The following C1orf50 variants were observed in gnomAD, a reference collection of about 807,000 sequenced individuals.
C1orf50 encodes chromosome 1 open reading frame 50.
Under a neutral mutation model 23.3 loss-of-function variants are expected in C1orf50, and 22 were observed. The ratio of observed to expected loss-of-function variants is 0.94; its 90% confidence interval spans 0.67 to 1.35. The LOEUF is 1.35. Among genes scored for constraint, C1orf50 ranks in the 40% most tolerant of loss-of-function variants. The pLI is 0.00. For missense variants in C1orf50, 271 were observed against 249.4 expected, an observed-to-expected ratio of 1.09 and a Z score of -0.58; for synonymous variants, 96 against 102.4, an observed-to-expected ratio of 0.94 and a Z score of 0.38.
chr1:42,767,481 G>A, intron 1 of C1orf50, 28 bp from the exon 2 acceptor site: 1 of 1,556,918 alleles, frequency 6.4e-7, no homozygotes, highest in Non-Finnish European at 8.7e-7. Context: ...GGGAGCTCAC[G>A]GCTTGTGTTC....
At position 42,775,358 on chromosome 1, in the gene C1orf50, G is replaced by T. The variant is rs567241793; in HGVS notation, c.564G>T (p.Pro188=). 3 of 1,607,118 alleles carry T rather than the reference G, an allele frequency of 1.9e-6. No individual in the cohort carries two copies. In the Admixed American group the frequency reaches 5.0e-5, roughly 27 times the overall value. The change falls in exon 5 of 5, where the codon CCG becomes CCT. Residue 188 remains proline (P), a synonymous_variant. Coordinates refer to ENST00000372525, the MANE Select transcript of C1orf50 (RefSeq NM_024097.4). ...TLLSQSVALP[P]CTEPNFQGLT... is the part of the protein sequence containing the mutation. ...TAAGCCAGTCAGTGGCCCTGCCTCC[G>T]TGCACTGAACCCAACTTCCAGGGAC...
chr1:42,768,992 C>T (rs767228874), intron 2 of C1orf50, among the ~76,000 whole-genome samples: 5 of 152,126 alleles, frequency 3.3e-5, no homozygotes, highest in South Asian at 2.1e-4. Flanking sequence ...GGCCAGGTGC[C>T]GTGGCTCACA....
intron 2 of C1orf50, among the ~76,000 whole-genome samples, chr1:42,771,157 C>T (rs1653212498): frequency 6.6e-6 from 1 of 152,114 alleles, no homozygotes; most frequent in African/African-American, 2.4e-5. Context: ...TGGTTATTTC[C>T]TTCATAACAG....
chr1:42,770,476 A>C (rs1327391561), intron 2 of C1orf50, among the ~76,000 whole-genome samples: 1 of 147,330 alleles, frequency 6.8e-6, no homozygotes, highest in African/African-American at 2.5e-5. Flanking sequence ...CTTGTTGCCC[A>C]GGCTGGAGTG....
At chr1:42,768,097 C>T (rs1350947554) in intron 2 of C1orf50, among the ~76,000 whole-genome samples, 2 of 152,110 alleles carry the variant, frequency 1.3e-5, no homozygotes, top group East Asian at 1.9e-4. Flanking sequence ...TTCCCAAGCC[C>T]AGTGTTTATA....
In C1orf50 at chr1:42,778,492, T is replaced by C. The variant is rs1268000555; in HGVS notation, c.*3098T>C. ...AGTTAGAACTTTCTGGAGGCTCCAA[T>C]TGCCCTTTCATAGGAAGTTTGTCTT... On this transcript the variant is annotated 3_prime_UTR_variant, in exon 5 of 5. Transcript: ENST00000372525. 6.6e-6 allele frequency: 1 copy of C among 152,190 alleles called. No homozygotes were observed. The highest frequency in any genetic ancestry group is 2.4e-5 in the African/African-American group (1 of 41,430). 9.4% of individuals were successfully genotyped at this position (152,190 alleles called of 1,614,324 possible).
intron 2 of C1orf50, chr1:42,773,359 G>A (rs1182486000): frequency 2.3e-5 from 10 of 443,892 alleles, no homozygotes; most frequent in East Asian, 8.4e-5. Flanking sequence ...ACTCTGTGGC[G>A]TGGAGTCATG....
Position 42,778,364 on chromosome 1 carries a change from A to T in C1orf50, c.*2970A>T, listed in dbSNP as rs993802624. 1 of 152,222 alleles carries T rather than the reference A, an allele frequency of 6.6e-6. No homozygotes were observed. The highest frequency in any genetic ancestry group is 2.4e-5 in the African/African-American group (1 of 41,460). The allele number at this position is 152,222 out of a possible 1,614,324, so 9.4% of individuals were successfully genotyped here. A position where few individuals can be genotyped will look rare whatever the true frequency, so the allele number is the denominator to read the frequency against. The stretch of plus-strand genomic sequence containing the variant: ...AAGAAGGGGTGTGATAGAGGTACGC[A>T]TGGAATACTATGGAGCTCCGGGGAG... On this transcript the variant is annotated 3_prime_UTR_variant, in exon 5 of 5. Transcript: ENST00000372525.
Position 42,775,762 on chromosome 1 carries a change from T to TTTTA in C1orf50, c.*369_*370insTTAT, listed in dbSNP as rs1553145768. The TTTTA allele has an allele frequency of 3.7e-5, 5 of 136,014 alleles. No homozygotes were observed. The highest frequency in any genetic ancestry group is 2.2e-4 in the Admixed American group (3 of 13,558). The allele number at this position is 136,014 out of a possible 1,614,324, so 8.4% of individuals were successfully genotyped here. On this transcript the variant is annotated 3_prime_UTR_variant, in exon 5 of 5. Transcript: ENST00000372525. Reference sequence around the variant, plus strand: ...TCCAGAGAGAACTGTTTTCAGTCTTTTATATATATATATATATATATATAA... The same window carrying TTTTA: ...TCCAGAGAGAACTGTTTTCAGTCTTTTTTATATATATATATATATATATATATAA...
At chr1:42,775,084 T>C in intron 4 of C1orf50, 125 bp from the exon 5 acceptor site, 1 of 1,011,014 alleles carries the variant, frequency 9.9e-7, no homozygotes, top group South Asian at 1.7e-5. Flanking sequence ...GGTAACTGCG[T>C]TCCAAAGGTT....
chr1:42,772,749 G>T (rs1335764290), intron 2 of C1orf50, among the ~76,000 whole-genome samples: 1 of 150,694 alleles, frequency 6.6e-6, no homozygotes, highest in Non-Finnish European at 1.5e-5. Flanking sequence ...CCATTGCACT[G>T]CAGCCTGGAC....
rs1653356444 is a variant in C1orf50 at position 42,777,148 on chromosome 1, G to C, written c.*1754G>C. On this transcript the variant is annotated 3_prime_UTR_variant, in exon 5 of 5. Transcript: ENST00000372525. ...AGTCTCGCTGTATTGCCAGGCCTGAGTACAGTGGCTCAATCTCAGCTTACC... is the reference window on the plus strand; with the variant it reads ...AGTCTCGCTGTATTGCCAGGCCTGACTACAGTGGCTCAATCTCAGCTTACC... 6.6e-6 allele frequency: 1 copy of C among 152,216 alleles called. No homozygotes were observed. The highest frequency in any genetic ancestry group is 6.5e-5 in the Admixed American group (1 of 15,270). 9.4% of individuals were successfully genotyped at this position (152,216 alleles called of 1,614,324 possible). A position where few individuals can be genotyped will look rare whatever the true frequency, so the allele number is the denominator to read the frequency against.
At position 42,775,240 on chromosome 1, in the gene C1orf50, T is replaced by C; in HGVS notation, c.446T>C (p.Leu149Pro). 6.2e-7 allele frequency: 1 copy of C among 1,603,018 alleles called. No individual in the cohort carries two copies. Among genetic ancestry groups the C allele is most frequent in the Non-Finnish European group, 8.5e-7 (1 of 1,170,598 alleles). ...EWGTSCPHDFLGAYKLQHDLS... is the reference protein window; with the variant it reads ...EWGTSCPHDFPGAYKLQHDLS... The stretch of plus-strand genomic sequence containing the variant: ...GGGACAAGTTGTCCACATGACTTCC[T>C]TGGTGCCTACAAACTACAGCATGAC... The change falls in exon 5 of 5, where the codon CTT becomes CCT. Residue 149 changes from leucine to proline, a missense_variant. Coordinates refer to ENST00000372525, the MANE Select transcript of C1orf50 (RefSeq NM_024097.4).
Position 42,767,505 on chromosome 1 carries a change from G to T in C1orf50, c.80-4G>T. 6.4e-7 allele frequency: 1 copy of T among 1,565,072 alleles called. No homozygotes were observed. The highest frequency in any genetic ancestry group is 8.7e-7 in the Non-Finnish European group (1 of 1,155,194). ...CGGCTTGTGTTCCTGGGTGTGTGTC[G>T]CAGGAGCCCTGGTGGAGCTCACCCC... On this transcript the variant is annotated splice_region_variant and splice_polypyrimidine_tract_variant and intron_variant, in intron 1 of 4. Coordinates refer to ENST00000372525, the MANE Select transcript of C1orf50 (RefSeq NM_024097.4).
In C1orf50 at chr1:42,775,477, C is replaced by T; in HGVS notation, c.*83C>T. The T allele has an allele frequency of 7.8e-7, 1 of 1,277,684 alleles. No homozygotes were observed. The highest frequency in any genetic ancestry group is 1.5e-5 in the African/African-American group (1 of 68,120). 79.1% of individuals were successfully genotyped at this position (1,277,684 alleles called of 1,614,324 possible). ...CCACTGTTGCCTTGAGAATTGAAGA[C>T]ATGTAGGTGACTCACAAACTTCTTG... On this transcript the variant is annotated 3_prime_UTR_variant, in exon 5 of 5. Coordinates refer to ENST00000372525, the MANE Select transcript of C1orf50 (RefSeq NM_024097.4).
rs1653355634 is a variant in C1orf50, at chr1:42,777,106, C to CA, written c.*1712_*1713insA. 2 of 151,514 alleles carry CA rather than the reference C, an allele frequency of 1.3e-5. No individual in the cohort carries two copies. Among genetic ancestry groups the CA allele is most frequent in the Non-Finnish European group, 2.9e-5 (2 of 67,834 alleles). 9.4% of individuals were successfully genotyped at this position (151,514 alleles called of 1,614,324 possible). Reference sequence around the variant, plus strand: ...TAGCAGAATTTCTTTTCTTTCCTTTCTTTTTTTTTGAGACAGAGTCTCGCT... The same window carrying CA: ...TAGCAGAATTTCTTTTCTTTCCTTTCATTTTTTTTTGAGACAGAGTCTCGCT... On this transcript the variant is annotated 3_prime_UTR_variant, in exon 5 of 5. Coordinates refer to ENST00000372525, the MANE Select transcript of C1orf50 (RefSeq NM_024097.4).
In C1orf50 at chr1:42,774,875, A is replaced by G. The variant is rs950073872; in HGVS notation, c.414+7A>G. On this transcript the variant is annotated splice_region_variant and intron_variant, in intron 4 of 4. Transcript: ENST00000372525. ...TTCCATCATTTCTCCAAAGGTAAGA[A>G]CATACATTGTTTGCCCAAAAATCTA... is the stretch of plus-strand genomic sequence containing the variant. 1 of 1,601,398 alleles carries G rather than the reference A, an allele frequency of 6.2e-7. No individual in the cohort carries two copies. The highest frequency in any genetic ancestry group is 1.3e-5 in the African/African-American group (1 of 74,764).
rs952198521 is a variant in C1orf50, at chr1:42,767,553, G to A, written c.124G>A (p.Val42Met). 7 of 1,608,086 alleles carry A rather than the reference G, an allele frequency of 4.4e-6. No homozygotes were observed. Among genetic ancestry groups the A allele is most frequent in the Non-Finnish European group, 5.9e-6 (7 of 1,178,014 alleles). ...LTPTPGGLAL[V>M]SPYHTHRAGD... The stretch of plus-strand genomic sequence containing the variant: ...CCCGACCCCCGGCGGCCTGGCCCTG[G>A]TGAGCCCCTACCACACCCACCGGGC... Residue 42 changes from valine (V) to methionine (M), a missense_variant, in exon 2 of 5, where the codon GTG becomes ATG. Physicochemically the swap from Val to Met is conservative, Grantham distance 21. Coordinates refer to ENST00000372525, the MANE Select transcript of C1orf50 (RefSeq NM_024097.4).
intron 2 of C1orf50, among the ~76,000 whole-genome samples, chr1:42,767,914 G>C (rs1653118529): frequency 6.6e-6 from 1 of 152,200 alleles, no homozygotes; most frequent in South Asian, 2.1e-4. Flanking sequence ...GGACAGCCTT[G>C]TGAGGTAGGC....
Sources: gnomAD v4.1 joint callset for allele counts (sites outside exome capture counted in the v4.1 genomes callset) on GRCh38, gnomAD v4.1.1 for gene constraint, MANE v1.5 for transcripts, NCBI Gene and HGNC (gene_info 2026-07-23, HGNC 2026-07-21) for gene names.